The following ACSF2 variants were observed in gnomAD, a reference collection of about 807,000 sequenced individuals.
The protein encoded by ACSF2 is medium-chain acyl-CoA ligase ACSF2, mitochondrial.
Under a neutral mutation model 79.3 loss-of-function variants are expected in ACSF2, and 52 were observed. That is an observed-to-expected ratio of 0.66 (90% CI 0.53 to 0.83). The LOEUF is 0.83. Ranked by LOEUF, ACSF2 falls within the 40% of genes least tolerant of loss-of-function variation. The pLI is 0.00. For synonymous variants in ACSF2, 283 were observed against 312.6 expected (o/e 0.91, Z 1.00); for missense variants, 661 against 803.3 (o/e 0.82, Z 2.14).
At chr17:50,447,823 G>A (rs955697495) in intron 1 of ACSF2, among the ~76,000 whole-genome samples, 75 of 152,154 alleles carry the variant, frequency 4.9e-4, no homozygotes, top group African/African-American at 1.8e-3. Context: ...CGCTTGAGGC[G>A]TACCTTTATA....
Position 50,463,295 on chromosome 17 carries a change from C to T in ACSF2, c.888+44C>T, listed in dbSNP as rs769130778. 2 of 1,612,388 alleles carry T rather than the reference C, an allele frequency of 1.2e-6. No individual in the cohort carries two copies. Among genetic ancestry groups the T allele is most frequent in the African/African-American group, 2.7e-5 (2 of 75,020 alleles). ...CAGGGCAAGGCTGCAGGAGGGGTGG[C>T]TCAGGCAGGGGTGGGGGGCTGGCTG... On this transcript the variant is annotated intron_variant, in intron 7 of 15. Coordinates refer to ENST00000300441, the MANE Select transcript of ACSF2 (RefSeq NM_025149.6). This position sits in a 1 kb window ranked among gnomAD's most constrained non-coding sequence, Gnocchi z 4.6.
At chr17:50,435,704 A>G (rs1334123832) in intron 1 of ACSF2, among the ~76,000 whole-genome samples, 1 of 152,166 alleles carries the variant, frequency 6.6e-6, no homozygotes, top group East Asian at 1.9e-4. Flanking sequence ...GACGTGAGCC[A>G]CTATGCCCAG....
chr17:50,449,582 ATTT>A (rs78156279), intron 1 of ACSF2, among the ~76,000 whole-genome samples: 1 of 130,774 alleles, frequency 7.6e-6, no homozygotes, highest in Non-Finnish European at 1.7e-5. Flanking sequence ...TTTTTTTTGT[ATTT>A]TTTTTTTTTT....
Position 50,463,765 on chromosome 17 carries a change from C to T in ACSF2, c.1047-53C>T, listed in dbSNP as rs563258697. Reference sequence around the variant, plus strand: ...AGTTTCATGGCGGGGTGGGTGAGAACAGGGAGTTCCCTTCCACTTCCAAGC... The same window carrying T: ...AGTTTCATGGCGGGGTGGGTGAGAATAGGGAGTTCCCTTCCACTTCCAAGC... On this transcript the variant is annotated intron_variant, in intron 8 of 15. Transcript: ENST00000300441. The surrounding 1 kb of genome is among the most constrained non-coding windows in gnomAD (Gnocchi z 4.6). The T allele has an allele frequency of 4.0e-5, 62 of 1,565,272 alleles. 1 individual carries two copies. In the South Asian group the frequency reaches 6.5e-4, roughly 17 times the overall value.
rs1156981455 is a variant in ACSF2, at chr17:50,463,756, G to A, written c.1047-62G>A. ...CTTTGCTGCAGTTTCATGGCGGGGT[G>A]GGTGAGAACAGGGAGTTCCCTTCCA... is the stretch of plus-strand genomic sequence containing the variant. On this transcript the variant is annotated intron_variant, in intron 8 of 15. Transcript: ENST00000300441. This position sits in a 1 kb window ranked among gnomAD's most constrained non-coding sequence, Gnocchi z 4.6. The A allele has an allele frequency of 1.3e-6, 2 of 1,544,478 alleles. No homozygotes were observed. Among genetic ancestry groups the A allele is most frequent in the Non-Finnish European group, 1.8e-6 (2 of 1,123,144 alleles).
intron 11 of ACSF2, chr17:50,472,033 A>G (rs2033144891): frequency 1.6e-5 from 3 of 187,444 alleles, no homozygotes; most frequent in South Asian, 2.1e-4. Context: ...TCCTGTTCAC[A>G]TGGTGTTGCC....
intron 10 of ACSF2, among the ~76,000 whole-genome samples, chr17:50,470,449 T>A (rs572865671): frequency 1.8e-4 from 27 of 152,286 alleles, no homozygotes; most frequent in African/African-American, 6.0e-4. Context: ...GTTGTTTTTT[T>A]ATTTTGATGG....
At position 50,474,671 on chromosome 17, in the gene ACSF2, A is replaced by G; in HGVS notation, c.*119A>G. 3 of 1,135,180 alleles carry G rather than the reference A, an allele frequency of 2.6e-6. No homozygotes were observed. Among genetic ancestry groups the G allele is most frequent in the Non-Finnish European group, 3.9e-6 (3 of 772,558 alleles). The allele number at this position is 1,135,180 out of a possible 1,614,324, so 70.3% of individuals were successfully genotyped here. On this transcript the variant is annotated 3_prime_UTR_variant, in exon 16 of 16. Coordinates refer to ENST00000300441, the MANE Select transcript of ACSF2 (RefSeq NM_025149.6). The surrounding 1 kb of genome is among the most constrained non-coding windows in gnomAD (Gnocchi z 4.2). ...TTCTGAGCCAGGCACATCAAATGTCAAGGAATTGACTGAACGAACTAAGAG... is the reference window on the plus strand; with the variant it reads ...TTCTGAGCCAGGCACATCAAATGTCGAGGAATTGACTGAACGAACTAAGAG...
intron 3 of ACSF2, 30 bp from the exon 4 acceptor site, chr17:50,461,603 A>G: frequency 6.2e-7 from 1 of 1,614,046 alleles, no homozygotes; most frequent in Non-Finnish European, 8.5e-7. Context: ...TCTGCCCAGA[A>G]TACTGATATG....
In ACSF2 at chr17:50,463,015, C is replaced by T; in HGVS notation, c.793-141C>T. 1.4e-6 allele frequency: 1 copy of T among 724,930 alleles called. No individual in the cohort carries two copies. The allele number at this position is 724,930 out of a possible 1,614,324, so 44.9% of individuals were successfully genotyped here. A position where few individuals can be genotyped will look rare whatever the true frequency, so the allele number is the denominator to read the frequency against. On this transcript the variant is annotated intron_variant, in intron 6 of 15. Coordinates refer to ENST00000300441, the MANE Select transcript of ACSF2 (RefSeq NM_025149.6). This position sits in a 1 kb window ranked among gnomAD's most constrained non-coding sequence, Gnocchi z 4.6. ...CCTGACACCTGGTATCGTGGTAGAC[C>T]TTTTGCAAATATACTGAACAGATGG...
intron 1 of ACSF2, among the ~76,000 whole-genome samples, chr17:50,454,397 A>G (rs1162780067): frequency 2.6e-5 from 4 of 152,108 alleles, no homozygotes; most frequent in African/African-American, 9.7e-5. Context: ...AAAAGAAAAA[A>G]GAAAGGAGAT....
At chr17:50,435,295 T>C (rs915305184) in intron 1 of ACSF2, among the ~76,000 whole-genome samples, 37 of 152,350 alleles carry the variant, frequency 2.4e-4, no homozygotes, top group African/African-American at 8.9e-4. Flanking sequence ...GAGTTCTGTA[T>C]GTATTCTAGT....
At chr17:50,467,551 A>C (rs1598430611) in intron 10 of ACSF2, among the ~76,000 whole-genome samples, 1 of 149,450 alleles carries the variant, frequency 6.7e-6, no homozygotes, top group African/African-American at 2.5e-5. Flanking sequence ...CCAGTCCCCC[A>C]CTCCCCCTTA....
intron 1 of ACSF2, among the ~76,000 whole-genome samples, chr17:50,443,716 T>G (rs1171011188): frequency 6.6e-6 from 1 of 152,244 alleles, no homozygotes; most frequent in Non-Finnish European, 1.5e-5. Flanking sequence ...TACCATCTTC[T>G]AAAAATCTTA....
At chr17:50,468,961 G>C (rs567316173) in intron 10 of ACSF2, 2 of 1,399,514 alleles carry the variant, frequency 1.4e-6, no homozygotes, top group East Asian at 5.5e-5. Context: ...GTGGAGCATC[G>C]AGGCCACTGG....
At chr17:50,438,599 C>A (rs2030623782) in intron 1 of ACSF2, among the ~76,000 whole-genome samples, 1 of 151,910 alleles carries the variant, frequency 6.6e-6, no homozygotes, top group South Asian at 2.1e-4. Flanking sequence ...TGGAGTCTCA[C>A]TCTGTCACCC....
chr17:50,438,575 T>C (rs1292888928), intron 1 of ACSF2, among the ~76,000 whole-genome samples: 2 of 151,914 alleles, frequency 1.3e-5, no homozygotes, highest in African/African-American at 4.8e-5. Context: ...TTCTTTTTCT[T>C]TTTTTTTGGG....
At chr17:50,457,442 AC>A (rs766004951) in intron 1 of ACSF2, among the ~76,000 whole-genome samples, 8 of 152,182 alleles carry the variant, frequency 5.3e-5, no homozygotes, top group Non-Finnish European at 1.0e-4. Flanking sequence ...TGGGAAGAGG[AC>A]CAGTTTTCCA....
At chr17:50,470,824 GC>G in intron 10 of ACSF2, 1 of 537,480 alleles carries the variant, frequency 1.9e-6, no homozygotes, top group Non-Finnish European at 3.4e-6. Context: ...CAGATCTGGG[GC>G]CCTGCAGAGA....
Sources: gnomAD v4.1 joint callset for allele counts (sites outside exome capture counted in the v4.1 genomes callset) on GRCh38, gnomAD v4.1.1 for gene constraint, Gnocchi (gnomAD v3.1) non-coding constraint, MANE v1.5 for transcripts, NCBI Gene and HGNC (gene_info 2026-07-23, HGNC 2026-07-21) for gene names.